NAA11: variants seen among roughly 807,000 people sequenced by gnomAD.
NAA11 encodes N-alpha-acetyltransferase 11.
In NAA11, 15 loss-of-function variants were observed where a neutral mutation model predicts 16.1. That is an observed-to-expected ratio of 0.93 (90% CI 0.62 to 1.44). The LOEUF is 1.44. Ranked by LOEUF, NAA11 falls within the 40% of genes most tolerant of loss-of-function variation. NAA11 has a pLI of 0.00. For synonymous variants in NAA11, 122 were observed against 112.4 expected (o/e 1.09, Z -0.54); for missense variants, 298 against 291.3 (o/e 1.02, Z -0.17).
chr4:79,234,796 G>A (rs527484763), intron 2 of NAA11, among the ~76,000 whole-genome samples: 1 of 152,160 alleles, frequency 6.6e-6, no homozygotes, highest in South Asian at 2.1e-4. Flanking sequence ...TTTTTAAAAT[G>A]TTATGAACAC....
the NAA11 span, among the ~76,000 whole-genome samples, chr4:79,182,437 C>T: frequency 6.6e-6 from 1 of 152,106 alleles, no homozygotes; most frequent in Non-Finnish European, 1.5e-5. Context: ...GAAAGTGAAA[C>T]ACATCTACCA....
chr4:79,291,504 C>T (rs1041967787), intron 2 of NAA11, among the ~76,000 whole-genome samples: 3 of 152,012 alleles, frequency 2.0e-5, no homozygotes, highest in African/African-American at 7.2e-5. Flanking sequence ...CCTGGTGGCT[C>T]ACCTGAGGTT....
intron 2 of NAA11, among the ~76,000 whole-genome samples, chr4:79,247,650 G>T (rs922860273): frequency 2.0e-5 from 3 of 152,072 alleles, no homozygotes; most frequent in African/African-American, 7.2e-5. Flanking sequence ...CAGAGGGAAG[G>T]CATTGAGAGC....
At chr4:79,191,125 G>A in the NAA11 span, among the ~76,000 whole-genome samples, 136,858 of 152,168 alleles carry the variant, frequency 0.9, 61,702 homozygotes, top group Non-Finnish European at 0.93. Context: ...TAGTGCTGCA[G>A]TGAACGTTCG....
At chr4:79,244,247 G>A (rs1721755460) in intron 2 of NAA11, among the ~76,000 whole-genome samples, 1 of 152,084 alleles carries the variant, frequency 6.6e-6, no homozygotes, top group African/African-American at 2.4e-5. Flanking sequence ...TAGTGGGTGG[G>A]GCAGGGAGAG....
chr4:79,189,141 A>G, the NAA11 span, among the ~76,000 whole-genome samples: 167 of 130,158 alleles, frequency 1.3e-3, 1 homozygote, highest in African/African-American at 5.0e-3. Flanking sequence ...GCGAGACTCC[A>G]TCTCAAAAAA....
chr4:79,223,594 AT>A (rs1487366342), downstream of NAA11, among the ~76,000 whole-genome samples: 3 of 150,874 alleles, frequency 2.0e-5, no homozygotes, highest in African/African-American at 7.3e-5. Context: ...ATGTATACAT[AT>A]GTAACTAACC....
At chr4:79,250,253 T>C (rs1721962345) in intron 2 of NAA11, among the ~76,000 whole-genome samples, 1 of 152,188 alleles carries the variant, frequency 6.6e-6, no homozygotes, top group South Asian at 2.1e-4. Flanking sequence ...GGAATTCTAG[T>C]GAGGCAGGAG....
the NAA11 span, among the ~76,000 whole-genome samples, chr4:79,176,390 G>T: frequency 6.6e-6 from 1 of 152,110 alleles, no homozygotes; most frequent in East Asian, 1.9e-4. Flanking sequence ...TAAGGAATTG[G>T]CTCATGTAAT....
intron 2 of NAA11, among the ~76,000 whole-genome samples, chr4:79,242,246 AG>A (rs936856043): frequency 7.3e-6 from 1 of 136,642 alleles, no homozygotes; most frequent in African/African-American, 2.6e-5. Flanking sequence ...TGCACCTTGG[AG>A]GGGGATATCC....
At chr4:79,161,375 ATCTG>A in the NAA11 span, among the ~76,000 whole-genome samples, 10 of 152,196 alleles carry the variant, frequency 6.6e-5, no homozygotes, top group Non-Finnish European at 1.3e-4. Context: ...TATTCCAATT[ATCTG>A]TATGACTATC....
chr4:79,223,573 C>T (rs1003361958), downstream of NAA11, among the ~76,000 whole-genome samples: 1 of 150,308 alleles, frequency 6.7e-6, no homozygotes, highest in African/African-American at 2.5e-5. Context: ...TTCAGCGCAC[C>T]AGCATGGCAC....
rs1174904993 is a variant in NAA11 at position 79,226,213 on chromosome 4, T to C, written c.*180A>G. On this transcript the variant is annotated 3_prime_UTR_variant and NMD_transcript_variant, in exon 3 of 3. Transcript: ENST00000511542. ...ATCATTCATGGACCCAGGTTCTCCA[T>C]CCTGTTGTTCCCCCATTCCTTAGGT... The C allele has an allele frequency of 2.0e-5, 3 of 152,066 alleles. No individual in the cohort carries two copies. The East Asian group carries it at 5.8e-4, about 29-fold the overall frequency. The allele number at this position is 152,066 out of a possible 1,614,324, so 9.4% of individuals were successfully genotyped here.
chr4:79,240,061 G>C (rs1275900951), intron 2 of NAA11, among the ~76,000 whole-genome samples: 1 of 152,150 alleles, frequency 6.6e-6, no homozygotes, highest in Non-Finnish European at 1.5e-5. Context: ...CATCATAAAG[G>C]GGGAAGGTAT....
downstream of NAA11, among the ~76,000 whole-genome samples, chr4:79,222,716 A>G (rs1223408201): frequency 5.4e-5 from 8 of 149,020 alleles, no homozygotes; most frequent in Non-Finnish European, 1.2e-4. Context: ...CAACCTACAA[A>G]ATGGGAGAAA....
chr4:79,156,129 A>G, the NAA11 span, among the ~76,000 whole-genome samples: 7 of 152,192 alleles, frequency 4.6e-5, no homozygotes. Flanking sequence ...ACATATGTAT[A>G]TTTGTAGTAA....
At chr4:79,311,528 T>C (rs1009155232) in intron 1 of NAA11, among the ~76,000 whole-genome samples, 8 of 152,226 alleles carry the variant, frequency 5.3e-5, no homozygotes, top group African/African-American at 1.9e-4. Context: ...TTCAGGTTAT[T>C]TCATGGCGCT....
intron 2 of NAA11, among the ~76,000 whole-genome samples, chr4:79,282,734 T>A (rs1722822443): frequency 6.6e-6 from 1 of 152,138 alleles, no homozygotes; most frequent in Admixed American, 6.6e-5. Flanking sequence ...AGAGGTCAAT[T>A]GGATCTAAAA....
At chr4:79,196,344 A>G in the NAA11 span, among the ~76,000 whole-genome samples, 1 of 152,008 alleles carries the variant, frequency 6.6e-6, no homozygotes, top group Non-Finnish European at 1.5e-5. Flanking sequence ...TTTCCATAAC[A>G]CTGCTAGGCT....
Sources: gnomAD v4.1 joint callset for allele counts (sites outside exome capture counted in the v4.1 genomes callset) on GRCh38, gnomAD v4.1.1 for gene constraint, MANE v1.5 for transcripts, NCBI Gene and HGNC (gene_info 2026-07-23, HGNC 2026-07-21) for gene names.